LARP4B: variants seen among roughly 807,000 people sequenced by gnomAD.
LARP4B encodes la-related protein 4B.
LARP4B carries 12 observed loss-of-function variants against 89.8 expected under a neutral mutation model. That is an observed-to-expected ratio of 0.13 (90% confidence interval 0.09 to 0.22). The LOEUF (loss-of-function observed/expected upper bound fraction) is 0.22, where lower values mean the gene tolerates loss of function less well. LARP4B is among the 10% of genes least tolerant of loss of function. The pLI, the probability that LARP4B is intolerant of heterozygous loss-of-function variation, is 1.00. For synonymous variants in LARP4B, 367 were observed against 363.3 expected, an observed-to-expected ratio of 1.01 and a Z score of -0.12; for missense variants, 757 against 947.7, an observed-to-expected ratio of 0.80 and a Z score of 2.64.
intron 8 of LARP4B, among the ~76,000 whole-genome samples, chr10:834,300 G>C (rs941622144): frequency 6.6e-6 from 1 of 152,154 alleles, no homozygotes; most frequent in Non-Finnish European, 1.5e-5. Flanking sequence ...GGTAAATTAG[G>C]ATTATGACTT....
At chr10:817,931 A>G (rs904987335) in intron 14 of LARP4B, 42 bp from the exon 15 acceptor site, 4 of 1,576,172 alleles carry the variant, frequency 2.5e-6, no homozygotes, top group South Asian at 2.3e-5. Context: ...ATGGAGAGAG[A>G]AGGCCAAGCA....
chr10:882,456 C>T (rs1333726429), intron 3 of LARP4B, among the ~76,000 whole-genome samples: 4 of 151,446 alleles, frequency 2.6e-5, no homozygotes, highest in South Asian at 4.2e-4. Flanking sequence ...GGCACAATCT[C>T]GGCTCACTAC....
At chr10:857,291 A>G (rs1834351278) in intron 5 of LARP4B, among the ~76,000 whole-genome samples, 1 of 152,100 alleles carries the variant, frequency 6.6e-6, no homozygotes, top group South Asian at 2.1e-4. Flanking sequence ...TGGGCAATGC[A>G]AGCAGAGAGA....
chr10:907,789 G>C (rs184566613), intron 1 of LARP4B, among the ~76,000 whole-genome samples: 259 of 152,318 alleles, frequency 1.7e-3, no homozygotes, highest in Non-Finnish European at 2.3e-3. Flanking sequence ...CAGAAAGACC[G>C]AGGCAGAATT....
intron 5 of LARP4B, among the ~76,000 whole-genome samples, chr10:862,662 A>C (rs1387226009): frequency 6.6e-6 from 1 of 152,108 alleles, no homozygotes; most frequent in Non-Finnish European, 1.5e-5. Flanking sequence ...CAGGAGGCTG[A>C]GGTAGGAGAA....
At chr10:883,855 T>G (rs1399942782) in intron 3 of LARP4B, among the ~76,000 whole-genome samples, 1 of 152,060 alleles carries the variant, frequency 6.6e-6, no homozygotes, top group Admixed American at 6.5e-5. Flanking sequence ...ATAGATGAGA[T>G]TTATGGTAAT....
chr10:941,311 G>A, the LARP4B span, among the ~76,000 whole-genome samples: 102 of 152,100 alleles, frequency 6.7e-4, no homozygotes, highest in Middle Eastern at 3.4e-3. Flanking sequence ...ACTTTGTTTT[G>A]TTTGTTTGTT....
chr10:883,182 T>TA (rs781198709), intron 3 of LARP4B, among the ~76,000 whole-genome samples: 10 of 152,230 alleles, frequency 6.6e-5, no homozygotes, highest in Admixed American at 1.3e-4. Context: ...ATTTTCTTCT[T>TA]AGACTACCAA....
chr10:867,754 G>C (rs188615374), intron 3 of LARP4B, among the ~76,000 whole-genome samples: 1 of 151,710 alleles, frequency 6.6e-6, no homozygotes, highest in African/African-American at 2.4e-5. Flanking sequence ...CCAGCTACTT[G>C]GGAGGCTGAG....
the LARP4B span, among the ~76,000 whole-genome samples, chr10:969,352 T>C: frequency 6.6e-6 from 1 of 152,138 alleles, no homozygotes. Flanking sequence ...TCCAGAAAGC[T>C]TGATGACAAG....
chr10:965,354 C>G, the LARP4B span, among the ~76,000 whole-genome samples: 1 of 152,192 alleles, frequency 6.6e-6, no homozygotes, highest in Admixed American at 6.5e-5. Flanking sequence ...CTGAGGCCCC[C>G]AAGGCCTGGG....
chr10:838,448 G>T (rs1401283518), intron 7 of LARP4B, among the ~76,000 whole-genome samples: 2 of 152,148 alleles, frequency 1.3e-5, no homozygotes. Flanking sequence ...ATTAAAAAAT[G>T]GGCAGAAGAC....
chr10:973,617 C>T, the LARP4B span, among the ~76,000 whole-genome samples: 2 of 152,256 alleles, frequency 1.3e-5, no homozygotes, highest in South Asian at 2.1e-4. Context: ...TCCCAAAGTG[C>T]TGGGATTACA....
rs562406157 is a variant in LARP4B at position 880,232 on chromosome 10, CTCT to C, written c.141+4212_141+4214del. Among the ~76,000 whole-genome samples the C allele has an allele frequency of 4.6e-3, 694 of 152,328 alleles. 2 individuals carry two copies. The highest frequency in any genetic ancestry group is 7.5e-3 in the South Asian group (36 of 4,828). On this transcript the variant is annotated intron_variant, in intron 3 of 17. Transcript: ENST00000316157. ...TCAAGCTTTCTGATTGCTAAGCCTA[CTCT>C]TATTCAAAATATAGGCCTGCAATAA...
chr10:829,103 C>T (rs941480958), intron 11 of LARP4B, among the ~76,000 whole-genome samples: 13 of 152,148 alleles, frequency 8.5e-5, no homozygotes, highest in Non-Finnish European at 1.0e-4. Context: ...GTGTAGGGGA[C>T]GCCAGGTACA....
In LARP4B at chr10:809,531, CAAAA is replaced by C. The variant is rs1232500921; in HGVS notation, c.*3391_*3394del. Reference sequence around the variant, plus strand: ...GAAGAAATTTTAATTTAAAAAAAATCAAAAGAAAAATTGAACAGTGCCTAAATCT... The same window carrying C: ...GAAGAAATTTTAATTTAAAAAAAATCGAAAAATTGAACAGTGCCTAAATCT... On this transcript the variant is annotated 3_prime_UTR_variant, in exon 18 of 18. Coordinates refer to ENST00000316157, the MANE Select transcript of LARP4B (RefSeq NM_015155.3). 6.6e-6 allele frequency: 1 copy of C among 152,004 alleles called. No individual in the cohort carries two copies. The highest frequency in any genetic ancestry group is 2.4e-5 in the African/African-American group (1 of 41,390). The allele number at this position is 152,004 out of a possible 1,614,324, so 9.4% of individuals were successfully genotyped here.
chr10:844,864 T>A (rs111609245), intron 6 of LARP4B, 113 bp downstream of exon 6: 9 of 700,960 alleles, frequency 1.3e-5, no homozygotes, highest in African/African-American at 3.6e-5. Flanking sequence ...TTCATATACA[T>A]ATATATGGAT....
intron 3 of LARP4B, among the ~76,000 whole-genome samples, chr10:870,269 G>A (rs1835134829): frequency 6.6e-6 from 1 of 152,124 alleles, no homozygotes; most frequent in Admixed American, 6.5e-5. Context: ...CGGGTAATAG[G>A]AAAATTCACT....
intron 11 of LARP4B, 133 bp from the exon 12 acceptor site, chr10:826,003 T>C: frequency 3.2e-6 from 2 of 631,274 alleles, no homozygotes; most frequent in African/African-American, 1.8e-5. Flanking sequence ...GAGACATGTA[T>C]TTTACAATTT....
Sources: gnomAD v4.1 joint callset for allele counts (sites outside exome capture counted in the v4.1 genomes callset) on GRCh38, gnomAD v4.1.1 for gene constraint, MANE v1.5 for transcripts, NCBI Gene and HGNC (gene_info 2026-07-23, HGNC 2026-07-21) for gene names.